MAPK14: variants seen among roughly 807,000 people sequenced by gnomAD.
The protein encoded by MAPK14 is mitogen-activated protein kinase 14, also known as CSAID-binding protein.
Under a neutral mutation model 49.6 loss-of-function variants are expected in MAPK14, and 16 were observed. The observed-to-expected ratio is 0.32, with a 90% CI of 0.22 to 0.49. The LOEUF (loss-of-function observed/expected upper bound fraction) is 0.49. MAPK14 is among the 20% of genes least tolerant of loss of function. MAPK14 has a pLI of 0.99. For missense variants in MAPK14, 200 were observed against 441.2 expected (o/e 0.45, Z 4.90); for synonymous variants, 142 against 158.0 (o/e 0.90, Z 0.76).
intron 1 of MAPK14, among the ~76,000 whole-genome samples, chr6:36,051,225 C>T (rs1397997186): frequency 6.6e-6 from 1 of 151,794 alleles, no homozygotes; most frequent in East Asian, 1.9e-4. Flanking sequence ...AAGTGATTCT[C>T]CTGCCTCAGC....
chr6:36,069,900 ATAAGT>A (rs1478347845), intron 3 of MAPK14, among the ~76,000 whole-genome samples: 3 of 152,338 alleles, frequency 2.0e-5, no homozygotes, highest in Non-Finnish European at 4.4e-5. Flanking sequence ...TTATTTAAAA[ATAAGT>A]TATGTTTGTC....
chr6:36,069,763 G>A (rs1392254509), intron 3 of MAPK14, among the ~76,000 whole-genome samples: 1 of 152,020 alleles, frequency 6.6e-6, no homozygotes, highest in Non-Finnish European at 1.5e-5. Flanking sequence ...GGCTGCCTAA[G>A]ATTTCTTAAC....
At chr6:36,076,927 G>A (rs1167122857) in intron 8 of MAPK14, 1 of 202,956 alleles carries the variant, frequency 4.9e-6, no homozygotes, top group Non-Finnish European at 9.9e-6. Context: ...CCAGATCCCA[G>A]TGACAGTTTT....
intron 1 of MAPK14, among the ~76,000 whole-genome samples, chr6:36,031,351 G>T (rs990378188): frequency 6.6e-6 from 1 of 152,006 alleles, no homozygotes; most frequent in African/African-American, 2.4e-5. Context: ...TTTAGGTGTG[G>T]CAGAAAACAT....
At chr6:36,037,735 C>G (rs1173267670) in intron 1 of MAPK14, among the ~76,000 whole-genome samples, 2 of 152,114 alleles carry the variant, frequency 1.3e-5, no homozygotes, top group East Asian at 3.8e-4. Context: ...CCTGTAATTC[C>G]TGCACTTTGG....
intron 1 of MAPK14, among the ~76,000 whole-genome samples, chr6:36,047,457 C>G (rs1217090619): frequency 2.0e-5 from 3 of 152,208 alleles, no homozygotes; most frequent in Non-Finnish European, 4.4e-5. Context: ...TCACCTGGGC[C>G]TTGTAGGCCA....
chr6:36,096,169 C>G, intron 9 of MAPK14, 103 bp downstream of exon 9: 1 of 768,090 alleles, frequency 1.3e-6, no homozygotes, highest in Non-Finnish European at 2.2e-6. Context: ...CACACATGCC[C>G]TTTGTGTGCT....
chr6:36,071,238 C>T (rs534061647), intron 3 of MAPK14, among the ~76,000 whole-genome samples: 1 of 151,876 alleles, frequency 6.6e-6, no homozygotes, highest in South Asian at 2.1e-4. Context: ...GAGGCTGAGG[C>T]ACGAGAATCG....
chr6:36,121,306 G>A, the MAPK14 span, among the ~76,000 whole-genome samples: 1 of 152,234 alleles, frequency 6.6e-6, no homozygotes. Context: ...AGCTACCGGG[G>A]GTGGGGCGTT....
At chr6:36,115,757 G>A (rs1254161048), downstream of MAPK14, among the ~76,000 whole-genome samples, 6 of 151,952 alleles carry the variant, frequency 3.9e-5, no homozygotes, top group East Asian at 3.9e-4. Context: ...CTAAAAATAC[G>A]AAATTAGTAC....
chr6:36,119,366 T>A, the MAPK14 span, among the ~76,000 whole-genome samples: 1 of 152,172 alleles, frequency 6.6e-6, no homozygotes, highest in East Asian at 1.9e-4. Context: ...TTTGGCAGGA[T>A]TCAGTAAGGG....
intron 1 of MAPK14, among the ~76,000 whole-genome samples, chr6:36,048,949 C>T (rs957191394): frequency 6.6e-6 from 1 of 152,062 alleles, no homozygotes; most frequent in Non-Finnish European, 1.5e-5. Context: ...AGTACCAAGT[C>T]CTGAAGAACT....
chr6:36,069,240 A>G lies in MAPK14; in HGVS notation c.306-3633A>G, dbSNP rs368988356. On this transcript the variant is annotated intron_variant, in intron 3 of 11. Coordinates refer to ENST00000229794, the MANE Select transcript of MAPK14 (RefSeq NM_139012.3). ...ACTCTCCATTAATGCCTCTTTTGGA[A>G]TGTGCTTCTTAAAATGTGCTCATTT... Among the ~76,000 whole-genome samples the G allele has an allele frequency of 5.9e-5, 9 of 152,350 alleles. No individual in the cohort carries two copies. In the East Asian group the frequency reaches 1.7e-3, roughly 29 times the overall value.
Position 36,107,507 on chromosome 6 carries a change from A to G in MAPK14, c.894A>G (p.Thr298=), listed in dbSNP as rs759715780. Residue 298 remains threonine (T), a synonymous_variant, in exon 11 of 12, where the codon ACA becomes ACG. Transcript: ENST00000229794. The surrounding 1 kb of genome is among the most constrained non-coding windows in gnomAD (Gnocchi z 4.3). ...TATTGGACTCAGATAAGAGAATTAC[A>G]GCGGCCCAAGCCCTTGCACATGCCT... The part of the protein sequence containing the change: ...MLVLDSDKRI[T]AAQALAHAYF... The G allele has an allele frequency of 2.4e-5, 39 of 1,597,242 alleles. No homozygotes were observed. In the Admixed American group the frequency reaches 6.6e-4, roughly 27 times the overall value.
chr6:36,054,607 C>T (rs73729696), intron 2 of MAPK14, among the ~76,000 whole-genome samples: 3,657 of 152,206 alleles, frequency 0.024, 134 homozygotes, highest in African/African-American at 0.071. Context: ...TCATAGTTCT[C>T]TATTCCATTG....
chr6:36,029,255 A>G (rs1334152786), intron 1 of MAPK14: 1 of 152,122 alleles, frequency 6.6e-6, no homozygotes, highest in African/African-American at 2.4e-5. Flanking sequence ...ATCTGCATTT[A>G]TGGCCTGAGG....
chr6:36,092,283 G>C, intron 8 of MAPK14: 1 of 585,428 alleles, frequency 1.7e-6, no homozygotes. Flanking sequence ...ATTCAGCAGC[G>C]TCCCCTTTGT....
chr6:36,119,993 A>G, the MAPK14 span, among the ~76,000 whole-genome samples: 1 of 152,176 alleles, frequency 6.6e-6, no homozygotes, highest in Non-Finnish European at 1.5e-5. Context: ...CTAGGGAGGG[A>G]GAGAGGGCAT....
intron 9 of MAPK14, among the ~76,000 whole-genome samples, chr6:36,099,768 A>G (rs978860706): frequency 5.9e-5 from 9 of 152,290 alleles, no homozygotes; most frequent in Middle Eastern, 6.8e-3. Context: ...TCTTCCTTGA[A>G]TGGATATGTT....
Sources: gnomAD v4.1 joint callset for allele counts (sites outside exome capture counted in the v4.1 genomes callset) on GRCh38, gnomAD v4.1.1 for gene constraint, Gnocchi (gnomAD v3.1) non-coding constraint, MANE v1.5 for transcripts, NCBI Gene and HGNC (gene_info 2026-07-23, HGNC 2026-07-21) for gene names.